BRINP3: variants seen among roughly 807,000 people sequenced by gnomAD.
The protein encoded by BRINP3 is BMP/retinoic acid inducible neural specific 3.
Under a neutral mutation model 71.0 loss-of-function variants are expected in BRINP3, and 19 were observed. That is an observed-to-expected ratio of 0.27 (90% CI 0.19 to 0.39). The LOEUF is 0.39. Among genes scored for constraint, BRINP3 ranks in the 10% least tolerant of loss-of-function variants. The pLI, the probability that BRINP3 is intolerant of heterozygous loss-of-function variation, is 1.00. For missense variants in BRINP3, 959 were observed against 940.8 expected, an observed-to-expected ratio of 1.02 and a Z score of -0.25; for synonymous variants, 380 against 337.7, an observed-to-expected ratio of 1.13 and a Z score of -1.37.
chr1:190,401,124 G>A (rs572101147), intron 2 of BRINP3, among the ~76,000 whole-genome samples: 2 of 152,138 alleles, frequency 1.3e-5, no homozygotes, highest in South Asian at 2.1e-4. Context: ...TGTGGGTGCC[G>A]AGGCAGGCAA....
chr1:190,380,239 T>C (rs899175327), intron 2 of BRINP3, among the ~76,000 whole-genome samples: 1 of 151,990 alleles, frequency 6.6e-6, no homozygotes, highest in African/African-American at 2.4e-5. Flanking sequence ...GGTTTTTTAA[T>C]GGATTCAATG....
intron 6 of BRINP3, among the ~76,000 whole-genome samples, chr1:190,167,619 T>C (rs891814313): frequency 2.0e-5 from 3 of 152,190 alleles, no homozygotes; most frequent in African/African-American, 7.2e-5. Context: ...GACCCCAGGA[T>C]TGAATTTAAA....
intron 2 of BRINP3, among the ~76,000 whole-genome samples, chr1:190,407,091 A>C (rs535320048): frequency 1.4e-4 from 21 of 152,322 alleles, no homozygotes; most frequent in African/African-American, 5.1e-4. Context: ...ACTCAATTTT[A>C]TAGCAGTTGA....
At chr1:190,163,460 A>T (rs1315524940) in intron 6 of BRINP3, among the ~76,000 whole-genome samples, 1 of 152,064 alleles carries the variant, frequency 6.6e-6, no homozygotes, top group African/African-American at 2.4e-5. Flanking sequence ...GTATCAAGTG[A>T]GTACTTTTCA....
At chr1:190,413,401 T>C (rs1672816065) in intron 2 of BRINP3, among the ~76,000 whole-genome samples, 1 of 152,228 alleles carries the variant, frequency 6.6e-6, no homozygotes, top group South Asian at 2.1e-4. Context: ...TTGTAAATAT[T>C]TCTTTAAAAG....
At chr1:190,166,891 T>G (rs537034037) in intron 6 of BRINP3, among the ~76,000 whole-genome samples, 1 of 151,800 alleles carries the variant, frequency 6.6e-6, no homozygotes, top group Admixed American at 6.6e-5. Context: ...TTCCGGCTAG[T>G]TTTTTATATT....
At chr1:190,460,408 T>C (rs1351233967) in intron 1 of BRINP3, among the ~76,000 whole-genome samples, 1 of 151,934 alleles carries the variant, frequency 6.6e-6, no homozygotes, top group Non-Finnish European at 1.5e-5. Flanking sequence ...TACATAATTG[T>C]GTAAGTAAAT....
chr1:190,373,192 T>C (rs544579465), intron 2 of BRINP3, among the ~76,000 whole-genome samples: 217 of 152,056 alleles, frequency 1.4e-3, no homozygotes, highest in African/African-American at 4.8e-3. Context: ...GAGTTCCAGA[T>C]CAGCCTGGCT....
intron 1 of BRINP3, among the ~76,000 whole-genome samples, chr1:190,470,956 A>G (rs1303020428): frequency 2.0e-5 from 3 of 151,222 alleles, no homozygotes; most frequent in Admixed American, 6.6e-5. Context: ...CCAGAACTGT[A>G]TGAATGAATA....
chr1:190,337,379 G>A (rs561748596), intron 2 of BRINP3, among the ~76,000 whole-genome samples: 60 of 152,064 alleles, frequency 3.9e-4, no homozygotes, highest in African/African-American at 1.4e-3. Context: ...TGAGGGTGTC[G>A]CCAAAGGGGA....
intron 6 of BRINP3, among the ~76,000 whole-genome samples, chr1:190,171,834 C>T (rs1300381645): frequency 6.6e-6 from 1 of 152,080 alleles, no homozygotes; most frequent in African/African-American, 2.4e-5. Context: ...TTGCCACACA[C>T]AGTGGCTTAC....
At chr1:190,466,680 C>T (rs1676773068) in intron 1 of BRINP3, among the ~76,000 whole-genome samples, 1 of 151,566 alleles carries the variant, frequency 6.6e-6, no homozygotes, top group African/African-American at 2.4e-5. Flanking sequence ...TTACAGAAGT[C>T]ATTCAATTCA....
At chr1:190,425,393 A>T (rs780954074) in intron 2 of BRINP3, among the ~76,000 whole-genome samples, 7 of 151,766 alleles carry the variant, frequency 4.6e-5, no homozygotes, top group Non-Finnish European at 8.9e-5. Flanking sequence ...GTCTCAACAT[A>T]AGCATAGCAT....
At chr1:190,328,860 G>T (rs540267104) in intron 2 of BRINP3, among the ~76,000 whole-genome samples, 1 of 152,090 alleles carries the variant, frequency 6.6e-6, no homozygotes. Context: ...ATGCAAGGTT[G>T]GTTCAACATA....
At chr1:190,255,035 G>T (rs1159158750) in intron 4 of BRINP3, among the ~76,000 whole-genome samples, 10 of 148,742 alleles carry the variant, frequency 6.7e-5, no homozygotes, top group South Asian at 4.2e-4. Context: ...TAATCATGTG[G>T]TTTTTTTTTT....
intron 2 of BRINP3, among the ~76,000 whole-genome samples, chr1:190,450,021 T>C (rs998353633): frequency 6.6e-6 from 1 of 152,198 alleles, no homozygotes; most frequent in African/African-American, 2.4e-5. Flanking sequence ...TCTGCTTCTT[T>C]ATTTTTTGGT....
intron 6 of BRINP3, among the ~76,000 whole-genome samples, chr1:190,167,585 C>T (rs1405681710): frequency 6.6e-6 from 1 of 152,130 alleles, no homozygotes; most frequent in Non-Finnish European, 1.5e-5. Context: ...CCTCTTGCAG[C>T]TGTAGGGCTT....
At chr1:190,257,116 C>T (rs377299667) in intron 4 of BRINP3, among the ~76,000 whole-genome samples, 118 of 152,258 alleles carry the variant, frequency 7.7e-4, no homozygotes, top group African/African-American at 2.5e-3. Flanking sequence ...GTCAGTTTCA[C>T]GTACACCAAT....
chr1:190,390,198 A>T (rs1383952807), intron 2 of BRINP3, among the ~76,000 whole-genome samples: 1 of 151,698 alleles, frequency 6.6e-6, no homozygotes, highest in African/African-American at 2.4e-5. Context: ...ATAATGCTAC[A>T]TTCATCATAT....
Sources: allele counts gnomAD v4.1 joint callset (sites outside exome capture counted in the v4.1 genomes callset), GRCh38; gene constraint gnomAD v4.1.1; transcripts MANE v1.5; gene names NCBI Gene and HGNC (gene_info 2026-07-23, HGNC 2026-07-21).